SLCO1B1: variants seen among roughly 807,000 people sequenced by gnomAD.
SLCO1B1 encodes the protein solute carrier organic anion transporter family member 1B1, also known as OATP-2.
Under a neutral mutation model 70.1 loss-of-function variants are expected in SLCO1B1, and 81 were observed. The ratio of observed to expected loss-of-function variants is 1.16; its 90% CI spans 0.97 to 1.39. The LOEUF (loss-of-function observed/expected upper bound fraction) is 1.39. SLCO1B1 is among the 40% of genes most tolerant of loss of function. The pLI is 0.00. For synonymous variants in SLCO1B1, 283 were observed against 271.5 expected (o/e 1.04, Z -0.42); for missense variants, 895 against 799.6 (o/e 1.12, Z -1.44).
chr12:21,231,390 C>A (rs1941535822), intron 14 of SLCO1B1, among the ~76,000 whole-genome samples: 1 of 149,114 alleles, frequency 6.7e-6, no homozygotes, highest in Non-Finnish European at 1.5e-5. Context: ...TTAGAGAGTT[C>A]TATCCTCCTT....
chr12:21,236,279 C>A (rs1326079394), intron 14 of SLCO1B1, among the ~76,000 whole-genome samples: 1 of 152,114 alleles, frequency 6.6e-6, no homozygotes, highest in East Asian at 1.9e-4. Flanking sequence ...AGGGTTAGAT[C>A]TCCAGAGGTC....
intron 2 of SLCO1B1, among the ~76,000 whole-genome samples, chr12:21,145,207 G>T (rs913167946): frequency 6.6e-6 from 1 of 152,086 alleles, no homozygotes; most frequent in Non-Finnish European, 1.5e-5. Context: ...TGAATAAATT[G>T]AAATAATATT....
intron 11 of SLCO1B1, among the ~76,000 whole-genome samples, chr12:21,207,247 G>A (rs1463119648): frequency 6.6e-6 from 1 of 151,960 alleles, no homozygotes; most frequent in Non-Finnish European, 1.5e-5. Flanking sequence ...CCCAGGTAGT[G>A]AGCATAATAC....
At chr12:21,202,434 A>T in intron 9 of SLCO1B1, 57 bp from the exon 10 acceptor site, 13 of 1,101,904 alleles carry the variant, frequency 1.2e-5, no homozygotes, top group Non-Finnish European at 1.7e-5. Context: ...TGTTTCATCT[A>T]TAAAGACATA....
At chr12:21,151,928 T>C (rs1940475385) in intron 2 of SLCO1B1, among the ~76,000 whole-genome samples, 1 of 152,118 alleles carries the variant, frequency 6.6e-6, no homozygotes, top group Non-Finnish European at 1.5e-5. Flanking sequence ...TGGTTTGTTG[T>C]CTGATACTAA....
chr12:21,214,762 G>C (rs570952099), intron 11 of SLCO1B1, among the ~76,000 whole-genome samples: 2 of 152,202 alleles, frequency 1.3e-5, no homozygotes, highest in Non-Finnish European at 2.9e-5. Flanking sequence ...ATGTAATCTC[G>C]TGGTGCGCCG....
chr12:21,211,876 T>C (rs1326263204), intron 11 of SLCO1B1, among the ~76,000 whole-genome samples: 9 of 151,556 alleles, frequency 5.9e-5, no homozygotes. Flanking sequence ...TCTCTGATGG[T>C]AGTTTGTATT....
At chr12:21,175,210 G>A (rs944342262) in intron 4 of SLCO1B1, among the ~76,000 whole-genome samples, 2 of 152,140 alleles carry the variant, frequency 1.3e-5, no homozygotes, top group Non-Finnish European at 2.9e-5. Flanking sequence ...AGGATGATAT[G>A]ATTCTACCTC....
chr12:21,146,951 G>A (rs772113512), intron 2 of SLCO1B1, among the ~76,000 whole-genome samples: 2 of 152,088 alleles, frequency 1.3e-5, no homozygotes, highest in Non-Finnish European at 1.5e-5. Context: ...AATTGATGAT[G>A]TTGTTAAGGT....
intron 2 of SLCO1B1, among the ~76,000 whole-genome samples, chr12:21,161,496 CTG>C (rs1940619206): frequency 6.6e-6 from 1 of 151,956 alleles, no homozygotes; most frequent in Non-Finnish European, 1.5e-5. Flanking sequence ...ATGACAAACA[CTG>C]GGGTCTAGCT....
intron 11 of SLCO1B1, among the ~76,000 whole-genome samples, chr12:21,209,744 T>C (rs1022335763): frequency 1.3e-5 from 2 of 150,604 alleles, no homozygotes; most frequent in Admixed American, 1.3e-4. Context: ...TTTTAATGAT[T>C]GCCATTCTAA....
At chr12:21,135,033 G>A (rs1264539724) in intron 1 of SLCO1B1, among the ~76,000 whole-genome samples, 2 of 152,094 alleles carry the variant, frequency 1.3e-5, no homozygotes, top group African/African-American at 4.8e-5. Context: ...CGTATGTTGT[G>A]TGTTTGTTCT....
At chr12:21,160,419 G>T (rs942132025) in intron 2 of SLCO1B1, among the ~76,000 whole-genome samples, 1 of 151,508 alleles carries the variant, frequency 6.6e-6, no homozygotes, top group Non-Finnish European at 1.5e-5. Context: ...TAACTAGCTG[G>T]TCATACACAG....
chr12:21,131,476 G>T (rs1422728821), intron 1 of SLCO1B1, among the ~76,000 whole-genome samples: 1 of 151,962 alleles, frequency 6.6e-6, no homozygotes, highest in Non-Finnish European at 1.5e-5. Context: ...TAAATATAAA[G>T]TTTCAAATCT....
rs1191553413 is a variant in SLCO1B1, at chr12:21,200,510, T to C, written c.973T>C (p.Phe325Leu). The C allele has an allele frequency of 2.6e-6, 4 of 1,562,254 alleles. No homozygotes were observed. The highest frequency in any genetic ancestry group is 3.5e-6 in the Non-Finnish European group (4 of 1,153,398). The change falls in exon 9 of 15, where the codon TTT (phenylalanine) becomes CTT (leucine). Residue 325 changes from phenylalanine to leucine, a missense_variant and splice_region_variant. Physicochemically the swap from Phe to Leu is conservative, Grantham distance 22. Coordinates refer to ENST00000256958, the MANE Select transcript of SLCO1B1 (RefSeq NM_006446.5). Reference protein sequence around the residue: ...GKNITKNVTGFFQSFKSILTN... With the variant: ...GKNITKNVTGLFQSFKSILTN... ...TCTTTATTTTTACAATTTTACAGGT[T>C]TTTTCCAGTCTTTTAAAAGCATCCT...
chr12:21,205,993 T>C lies in SLCO1B1; in HGVS notation c.1457T>C (p.Leu486Pro), dbSNP rs768861031. Residue 486 changes from leucine to proline, a missense_variant, in exon 11 of 15, where the codon CTA becomes CCA. Coordinates refer to ENST00000256958, the MANE Select transcript of SLCO1B1 (RefSeq NM_006446.5). The part of the protein sequence containing the change: ...NNGITYISPC[L>P]AGCKSSSGNK... ...GGAATAACTTACATCTCACCCTGTC[T>C]AGCAGGTTGCAAATCTTCAAGTGGC... The C allele has an allele frequency of 1.2e-6, 2 of 1,612,258 alleles. No individual in the cohort carries two copies. Among genetic ancestry groups the C allele is most frequent in the Non-Finnish European group, 1.7e-6 (2 of 1,178,660 alleles).
At chr12:21,182,726 G>T (rs1940918358) in intron 7 of SLCO1B1, among the ~76,000 whole-genome samples, 1 of 152,158 alleles carries the variant, frequency 6.6e-6, no homozygotes, top group African/African-American at 2.4e-5. Flanking sequence ...TGGAGACACA[G>T]GCTAGTCCCA....
chr12:21,218,518 T>C (rs1476097189), intron 12 of SLCO1B1, among the ~76,000 whole-genome samples: 1 of 152,100 alleles, frequency 6.6e-6, no homozygotes, highest in Non-Finnish European at 1.5e-5. Flanking sequence ...GTAAATTGAA[T>C]TTACAGTTGT....
intron 2 of SLCO1B1, among the ~76,000 whole-genome samples, chr12:21,151,898 C>T (rs1940474872): frequency 6.6e-6 from 1 of 151,704 alleles, no homozygotes; most frequent in Non-Finnish European, 1.5e-5. Context: ...ACTTGTTATT[C>T]TATGGACTTC....
Sources: gnomAD v4.1 joint callset for allele counts (sites outside exome capture counted in the v4.1 genomes callset) on GRCh38, gnomAD v4.1.1 for gene constraint, MANE v1.5 for transcripts, NCBI Gene and HGNC (gene_info 2026-07-23, HGNC 2026-07-21) for gene names.